Variants in BBS9 observed in about 807,000 individuals in gnomAD.
BBS9 encodes the protein Bardet-Biedl syndrome 9, also known as protein PTHB1.
BBS9 carries 89 observed loss-of-function variants against 117.7 expected under a neutral mutation model. That is an observed-to-expected ratio of 0.76 (90% confidence interval 0.64 to 0.90). The LOEUF (loss-of-function observed/expected upper bound fraction) is 0.90. Ranked by LOEUF, BBS9 falls within the 40% of genes least tolerant of loss-of-function variation. BBS9 has a pLI of 0.00. For synonymous variants in BBS9, 379 were observed against 370.9 expected, an observed-to-expected ratio of 1.02 and a Z score of -0.25; for missense variants, 982 against 1,042.2, an observed-to-expected ratio of 0.94 and a Z score of 0.80.
At chr7:33,513,767 C>G (rs1306338517) in intron 20 of BBS9, among the ~76,000 whole-genome samples, 1 of 152,170 alleles carries the variant, frequency 6.6e-6, no homozygotes, top group Non-Finnish European at 1.5e-5. Flanking sequence ...ACAAAAATTT[C>G]CAATCTTACC....
At chr7:33,574,783 A>C (rs536636907) in intron 21 of BBS9, among the ~76,000 whole-genome samples, 1 of 150,816 alleles carries the variant, frequency 6.6e-6, no homozygotes, top group Non-Finnish European at 1.5e-5. Flanking sequence ...TGTGTAAACT[A>C]TATAGAGAGA....
chr7:33,282,115 C>T (rs913299058), intron 9 of BBS9, among the ~76,000 whole-genome samples: 1 of 152,028 alleles, frequency 6.6e-6, no homozygotes, highest in African/African-American at 2.4e-5. Context: ...TGCCTGGCCC[C>T]TTATTTGTTT....
chr7:33,377,812 C>T lies in BBS9; in HGVS notation c.1790-5854C>T, dbSNP rs147671042. 2.6e-4 allele frequency among the ~76,000 whole-genome samples: 40 copies of T among 152,058 alleles called. 1 individual carries two copies. The East Asian group carries it at 7.0e-3, about 26-fold the overall frequency. On this transcript the variant is annotated intron_variant, in intron 17 of 22. Transcript: ENST00000242067. ...TATGAATGGGATTGTGTTCCTGATT[C>T]GGCTCTTGGCTTTATGTACAAAATC...
chr7:33,610,423 T>C (rs1455123663), downstream of BBS9, among the ~76,000 whole-genome samples: 1 of 152,036 alleles, frequency 6.6e-6, no homozygotes, highest in Non-Finnish European at 1.5e-5. Context: ...CTGGTAAGGG[T>C]CCAACTCCCA....
chr7:33,384,180 C>T (rs976171051), intron 18 of BBS9, among the ~76,000 whole-genome samples: 1 of 152,108 alleles, frequency 6.6e-6, no homozygotes, highest in Non-Finnish European at 1.5e-5. Context: ...TTCTAGCAGG[C>T]CATAAATGAG....
intron 19 of BBS9, among the ~76,000 whole-genome samples, chr7:33,472,199 G>A (rs1158316842): frequency 2.0e-5 from 3 of 152,144 alleles, no homozygotes; most frequent in African/African-American, 4.8e-5. Flanking sequence ...TTTCTTCAGA[G>A]GCAATAGGCA....
At chr7:33,407,540 C>G (rs1420578184) in intron 19 of BBS9, among the ~76,000 whole-genome samples, 1 of 152,114 alleles carries the variant, frequency 6.6e-6, no homozygotes, top group Admixed American at 6.5e-5. Context: ...TTTTTCTGCT[C>G]TGTTTTTTCC....
chr7:33,559,178 G>C (rs1157886555), intron 21 of BBS9, among the ~76,000 whole-genome samples: 1 of 152,222 alleles, frequency 6.6e-6, no homozygotes, highest in Admixed American at 6.5e-5. Flanking sequence ...TATCTTCGTA[G>C]ATGATTTCCT....
rs1846028704 is a variant in BBS9, at chr7:33,505,515, C to T, written c.2168C>T (p.Ser723Leu). Residue 723 changes from serine to leucine, a missense_variant, in exon 20 of 23, where the codon TCA becomes TTA. By Grantham distance (145) the Ser-to-Leu change is moderately radical. Transcript: ENST00000242067. ...VEENQGNLFQ[S>L]FTRLKSATHL... ...GAAAACCAAGGCAATCTGTTCCAGT[C>T]ATTCACCAGGCTGAAGAGTGCCACC... is the stretch of plus-strand genomic sequence containing the variant. 6.2e-7 allele frequency: 1 copy of T among 1,614,154 alleles called. No individual in the cohort carries two copies. The highest frequency in any genetic ancestry group is 1.3e-5 in the African/African-American group (1 of 75,058).
intron 5 of BBS9, among the ~76,000 whole-genome samples, chr7:33,228,164 G>A (rs1791653608): frequency 6.6e-6 from 1 of 151,866 alleles, no homozygotes; most frequent in Admixed American, 6.6e-5. Flanking sequence ...TTTAATTGTG[G>A]TCATTCTTGT....
intron 19 of BBS9, among the ~76,000 whole-genome samples, chr7:33,462,132 C>A (rs569666439): frequency 1.3e-5 from 2 of 152,092 alleles, no homozygotes; most frequent in Non-Finnish European, 1.5e-5. Context: ...AACCTTGACT[C>A]TAGTTTGATT....
chr7:33,153,514 C>G (rs1251652132), intron 3 of BBS9, among the ~76,000 whole-genome samples: 1 of 152,224 alleles, frequency 6.6e-6, no homozygotes, highest in East Asian at 1.9e-4. Flanking sequence ...GAACACTTAT[C>G]AAGTAGCCAG....
At chr7:33,565,803 A>ACTGC (rs1192272900) in intron 21 of BBS9, among the ~76,000 whole-genome samples, 7 of 56,386 alleles carry the variant, frequency 1.2e-4, no homozygotes, top group South Asian at 5.7e-4. Context: ...ATATATATAT[A>ACTGC]TATATATATA....
At chr7:33,295,844 A>G (rs1805147954) in intron 9 of BBS9, among the ~76,000 whole-genome samples, 1 of 152,100 alleles carries the variant, frequency 6.6e-6, no homozygotes, top group South Asian at 2.1e-4. Flanking sequence ...AATTTTTTTA[A>G]GTTACAAATT....
intron 20 of BBS9, among the ~76,000 whole-genome samples, chr7:33,514,414 A>C (rs1050076203): frequency 3.3e-5 from 5 of 152,294 alleles, no homozygotes; most frequent in Non-Finnish European, 5.9e-5. Context: ...TCAAGGGGTG[A>C]CTGGAGTTTG....
intron 6 of BBS9, among the ~76,000 whole-genome samples, chr7:33,260,702 G>A (rs974713963): frequency 3.3e-5 from 5 of 152,212 alleles, no homozygotes; most frequent in African/African-American, 9.6e-5. Context: ...ATTCAAGGAG[G>A]CAGGAAGTCA....
chr7:33,598,155 G>A (rs1399561767), intron 21 of BBS9, among the ~76,000 whole-genome samples: 1 of 151,412 alleles, frequency 6.6e-6, no homozygotes, highest in Non-Finnish European at 1.5e-5. Flanking sequence ...CTCCCCACTT[G>A]GCTTCACTTT....
Position 33,357,909 on chromosome 7 carries a change from T to C in BBS9, c.1607T>C (p.Leu536Pro). ...AGACTTCCCCTAAAGTTAATTTGCC[T>C]ACCAGGTCAGCCTTCAAAAACTGCA... The part of the protein sequence containing the change: ...KFRLPLKLIC[L>P]PGQPSKTASH... Residue 536 changes from leucine (L) to proline (P), a missense_variant, in exon 16 of 23, where the codon CTA (leucine) becomes CCA (proline). Coordinates refer to ENST00000242067, the MANE Select transcript of BBS9 (RefSeq NM_198428.3). 1 of 1,612,290 alleles carries C rather than the reference T, an allele frequency of 6.2e-7. No homozygotes were observed. The highest frequency in any genetic ancestry group is 8.5e-7 in the Non-Finnish European group (1 of 1,178,586).
At chr7:33,424,025 C>T (rs192812063) in intron 19 of BBS9, among the ~76,000 whole-genome samples, 5 of 152,118 alleles carry the variant, frequency 3.3e-5, no homozygotes, top group South Asian at 2.1e-4. Flanking sequence ...TTTTTTGCTC[C>T]GGCCACCAGC....
Sources: allele counts gnomAD v4.1 joint callset (sites outside exome capture counted in the v4.1 genomes callset), GRCh38; gene constraint gnomAD v4.1.1; transcripts MANE v1.5; gene names NCBI Gene and HGNC (gene_info 2026-07-23, HGNC 2026-07-21).